The following CDH18 variants were observed in gnomAD, a reference collection of about 807,000 sequenced individuals.
CDH18 encodes cadherin-18.
A neutral mutation model predicts 67.9 loss-of-function variants in CDH18; 31 were observed. That is an observed-to-expected ratio of 0.46 (90% CI 0.34 to 0.62). The LOEUF (loss-of-function observed/expected upper bound fraction) is 0.62, where lower values mean the gene tolerates loss of function less well. CDH18 is among the 20% of genes least tolerant of loss of function. The probability of loss-of-function intolerance (pLI) is 0.01; values close to 1 mark genes in which losing one functional copy is unlikely to be tolerated. For synonymous variants in CDH18, 362 were observed against 347.2 expected, an observed-to-expected ratio of 1.04 and a Z score of -0.48; for missense variants, 890 against 975.5, an observed-to-expected ratio of 0.91 and a Z score of 1.17.
intron 2 of CDH18, among the ~76,000 whole-genome samples, chr5:20,156,260 C>T (rs977365155): frequency 3.3e-5 from 5 of 152,096 alleles, no homozygotes; most frequent in Non-Finnish European, 5.9e-5. Context: ...GAAATCATTA[C>T]ATCCAAAAGA....
intron 5 of CDH18, among the ~76,000 whole-genome samples, chr5:19,648,048 A>C (rs1755032293): frequency 6.6e-6 from 1 of 151,540 alleles, no homozygotes; most frequent in African/African-American, 2.4e-5. Flanking sequence ...CTTACCATTG[A>C]GGTGAAGTCT....
At chr5:20,415,704 C>T (rs548723006) in intron 1 of CDH18, among the ~76,000 whole-genome samples, 11 of 151,958 alleles carry the variant, frequency 7.2e-5, no homozygotes, top group South Asian at 4.1e-4. Context: ...ACTTGGGAGG[C>T]GGAAGTTGCA....
chr5:20,066,590 A>T (rs1184541066), intron 2 of CDH18, among the ~76,000 whole-genome samples: 1 of 152,036 alleles, frequency 6.6e-6, no homozygotes. Flanking sequence ...TTCTTTGATG[A>T]AATGTAAATT....
chr5:19,759,532 G>A (rs764540967), intron 3 of CDH18, among the ~76,000 whole-genome samples: 7 of 152,124 alleles, frequency 4.6e-5, no homozygotes, highest in Non-Finnish European at 7.4e-5. Context: ...GCCGAGTCCA[G>A]GGACCCACTG....
intron 2 of CDH18, among the ~76,000 whole-genome samples, chr5:19,920,784 T>C (rs1195703833): frequency 1.3e-5 from 2 of 152,066 alleles, no homozygotes; most frequent in South Asian, 2.1e-4. Context: ...AGTGCTGGGA[T>C]TACAGGCGTA....
At chr5:19,679,673 A>G (rs1314117234) in intron 5 of CDH18, among the ~76,000 whole-genome samples, 3 of 151,994 alleles carry the variant, frequency 2.0e-5, no homozygotes, top group Non-Finnish European at 4.4e-5. Flanking sequence ...CCAAATGAAT[A>G]ATGCAATCCC....
intron 11 of CDH18, among the ~76,000 whole-genome samples, chr5:19,494,117 T>C (rs528925334): frequency 7.4e-4 from 112 of 152,290 alleles, no homozygotes; most frequent in African/African-American, 2.6e-3. Context: ...TGTGTGGAAA[T>C]TTGTAACATT....
intron 1 of CDH18, chr5:20,305,483 C>CG: frequency 1.6e-6 from 2 of 1,250,630 alleles, no homozygotes; most frequent in South Asian, 2.4e-5. Context: ...CCGCTGCACT[C>CG]GCTGGGTCTT....
At chr5:20,538,448 A>G (rs2126578393) in intron 1 of CDH18, among the ~76,000 whole-genome samples, 1 of 152,250 alleles carries the variant, frequency 6.6e-6, no homozygotes, top group Non-Finnish European at 1.5e-5. Context: ...TGTAATTGTG[A>G]TTGTATTTGC....
At chr5:19,550,658 T>C (rs1427300599) in intron 8 of CDH18, among the ~76,000 whole-genome samples, 2 of 152,224 alleles carry the variant, frequency 1.3e-5, no homozygotes, top group Non-Finnish European at 2.9e-5. Flanking sequence ...TAATCCAGTC[T>C]ATCATTCTTG....
At chr5:19,980,064 A>G (rs913502860) in intron 2 of CDH18, among the ~76,000 whole-genome samples, 1 of 152,132 alleles carries the variant, frequency 6.6e-6, no homozygotes, top group African/African-American at 2.4e-5. Context: ...AACCTTAAAG[A>G]CTACTCCAGA....
At chr5:20,276,206 G>A (rs2126680846) in intron 1 of CDH18, among the ~76,000 whole-genome samples, 1 of 152,326 alleles carries the variant, frequency 6.6e-6, no homozygotes, top group South Asian at 2.1e-4. Flanking sequence ...ACCAGCTGGG[G>A]TGACCAAGTG....
In CDH18 at chr5:19,500,564, T is replaced by C. The variant is rs139981117; in HGVS notation, c.1630+2428A>G. Among the ~76,000 whole-genome samples the C allele has an allele frequency of 4.5e-3, 691 of 152,272 alleles. 9 individuals are homozygous for C. The highest frequency in any genetic ancestry group is 0.016 in the African/African-American group (645 of 41,564). ...CTGCTTTTTTCTATCCAAGATAAATTATTTCTGTGTTATTTATAATTTCAA... is the reference window on the plus strand; with the variant it reads ...CTGCTTTTTTCTATCCAAGATAAATCATTTCTGTGTTATTTATAATTTCAA... On this transcript the variant is annotated intron_variant, in intron 11 of 12. Transcript: ENST00000382275.
intron 5 of CDH18, among the ~76,000 whole-genome samples, chr5:19,641,860 G>T (rs571578407): frequency 9.2e-5 from 14 of 151,774 alleles, no homozygotes; most frequent in African/African-American, 3.4e-4. Context: ...AAAATAAAAG[G>T]TACCCAAATT....
chr5:20,504,481 A>G (rs1754533125), intron 1 of CDH18, among the ~76,000 whole-genome samples: 1 of 152,200 alleles, frequency 6.6e-6, no homozygotes, highest in Non-Finnish European at 1.5e-5. Flanking sequence ...TTCGCCTTGA[A>G]TAAAAGTTTT....
intron 3 of CDH18, among the ~76,000 whole-genome samples, chr5:19,836,165 G>C (rs1016692032): frequency 6.6e-6 from 1 of 151,972 alleles, no homozygotes; most frequent in Admixed American, 6.6e-5. Flanking sequence ...TAATAAAATA[G>C]TTTTCCTCTT....
chr5:19,827,109 A>T (rs913772875), intron 3 of CDH18, among the ~76,000 whole-genome samples: 3 of 152,192 alleles, frequency 2.0e-5, no homozygotes, highest in African/African-American at 7.2e-5. Context: ...CAGACTTTAA[A>T]CCAATGAACA....
At chr5:20,404,314 T>G (rs906421575) in intron 1 of CDH18, among the ~76,000 whole-genome samples, 1 of 152,146 alleles carries the variant, frequency 6.6e-6, no homozygotes, top group Non-Finnish European at 1.5e-5. Flanking sequence ...TTCAAGAACT[T>G]TTGCTTTGCA....
At chr5:20,387,356 T>C (rs147917209) in intron 1 of CDH18, among the ~76,000 whole-genome samples, 129 of 152,254 alleles carry the variant, frequency 8.5e-4, no homozygotes, top group Non-Finnish European at 1.3e-3. Flanking sequence ...ACTCATGATT[T>C]GGTTCTCTCT....
Sources: allele counts gnomAD v4.1 joint callset (sites outside exome capture counted in the v4.1 genomes callset), GRCh38; gene constraint gnomAD v4.1.1; transcripts MANE v1.5; gene names NCBI Gene and HGNC (gene_info 2026-07-23, HGNC 2026-07-21).